ANKRD36B: variants seen among roughly 807,000 people sequenced by gnomAD.
ANKRD36B encodes ankyrin repeat domain-containing protein 36B.
A neutral mutation model predicts 135.7 loss-of-function variants in ANKRD36B; 37 were observed. The ratio of observed to expected loss-of-function variants is 0.27; its 90% CI spans 0.21 to 0.36. The LOEUF is 0.36. Among genes scored for constraint, ANKRD36B ranks in the 10% least tolerant of loss-of-function variants. The pLI is 1.00. For missense variants in ANKRD36B, 549 were observed against 1,037.1 expected, an observed-to-expected ratio of 0.53 and a Z score of 6.46; for synonymous variants, 179 against 348.1, an observed-to-expected ratio of 0.51 and a Z score of 5.41.
intron 34 of ANKRD36B, among the ~76,000 whole-genome samples, chr2:97,535,118 A>C (rs558145181): frequency 0.1 from 9,479 of 95,044 alleles, 2,495 homozygotes; most frequent in Middle Eastern, 0.24. Flanking sequence ...TGAGAAATTT[A>C]AAAAATAGAG....
chr2:97,586,341 G>A (rs978317472), intron 1 of ANKRD36B, among the ~76,000 whole-genome samples: 2 of 150,194 alleles, frequency 1.3e-5, no homozygotes, highest in African/African-American at 4.9e-5. Context: ...ACTGTCATAA[G>A]TTTTTGAAAT....
Position 97,528,524 on chromosome 2 carries a change from G to T in ANKRD36B, c.2265+3787C>A, listed in dbSNP as rs1172732457. Among the ~76,000 whole-genome samples, 12 of 91,680 alleles carry T rather than the reference G, an allele frequency of 1.3e-4. 4 individuals are homozygous for T. Among genetic ancestry groups the T allele is most frequent in the Non-Finnish European group, 3.5e-4 (12 of 34,634 alleles). 60.1% of individuals were successfully genotyped at this position (91,680 alleles called of 152,430 possible). On this transcript the variant is annotated intron_variant, in intron 35 of 43. Transcript: ENST00000359901. Reference sequence around the variant, plus strand: ...AAAGCAAGAGCAAACACATTCAAAAGCTAGCAGAAGGCAAGAAATAACTAA... The same window carrying T: ...AAAGCAAGAGCAAACACATTCAAAATCTAGCAGAAGGCAAGAAATAACTAA...
chr2:97,573,479 A>G (rs2104905920), intron 6 of ANKRD36B, among the ~76,000 whole-genome samples: 1 of 152,272 alleles, frequency 6.6e-6, no homozygotes, highest in African/African-American at 2.4e-5. Context: ...TAATTTATAG[A>G]TTCAATGCCA....
chr2:97,535,603 A>C (rs866219641), intron 34 of ANKRD36B, among the ~76,000 whole-genome samples: 2,670 of 100,840 alleles, frequency 0.026, 2 homozygotes, highest in African/African-American at 0.061. Context: ...AATATGTTAC[A>C]AAATAAAACA....
intron 8 of ANKRD36B, among the ~76,000 whole-genome samples, chr2:97,560,234 G>A (rs1378784700): frequency 2.0e-5 from 3 of 151,816 alleles, no homozygotes; most frequent in African/African-American, 7.2e-5. Context: ...TGCTGCATCA[G>A]TGGTCTTCTT....
chr2:97,555,156 A>G, intron 13 of ANKRD36B, 24 bp from the exon 14 acceptor site: 2 of 1,611,644 alleles, frequency 1.2e-6, no homozygotes, highest in South Asian at 2.2e-5. Flanking sequence ...GAAGCAAATT[A>G]TCAATAAAGA....
chr2:97,545,102 C>T lies in ANKRD36B; in HGVS notation c.1681+564G>A, dbSNP rs1291496144. ...TGCCAAAATCAAGTCTTCTTTTATGCAAATGTTCCAAATGTATTGAAGTGA... is the reference window on the plus strand; with the variant it reads ...TGCCAAAATCAAGTCTTCTTTTATGTAAATGTTCCAAATGTATTGAAGTGA... On this transcript the variant is annotated intron_variant, in intron 24 of 43. Transcript: ENST00000359901. 2.1e-5 allele frequency among the ~76,000 whole-genome samples: 2 copies of T among 95,670 alleles called. 1 individual carries two copies. The highest frequency in any genetic ancestry group is 5.6e-5 in the Non-Finnish European group (2 of 35,738). 62.8% of individuals were successfully genotyped at this position (95,670 alleles called of 152,430 possible).
At chr2:97,569,881 T>C (rs1415001287) in intron 6 of ANKRD36B, among the ~76,000 whole-genome samples, 1 of 151,994 alleles carries the variant, frequency 6.6e-6, no homozygotes, top group South Asian at 2.1e-4. Context: ...ATAAAGCAAA[T>C]AACTTAACTG....
intron 6 of ANKRD36B, among the ~76,000 whole-genome samples, chr2:97,571,465 G>A (rs2081862619): frequency 6.6e-6 from 1 of 152,112 alleles, no homozygotes; most frequent in Non-Finnish European, 1.5e-5. Flanking sequence ...GGCTAACACA[G>A]TGAAACCGCA....
chr2:97,553,410 A>C (rs1415391412), intron 14 of ANKRD36B, 39 bp from the exon 15 acceptor site: 7 of 1,588,736 alleles, frequency 4.4e-6, no homozygotes, highest in South Asian at 1.1e-5. Flanking sequence ...TCATATGTAA[A>C]TATGATACAT....
chr2:97,581,058 T>C (rs1345761179), intron 3 of ANKRD36B, among the ~76,000 whole-genome samples: 16 of 124,800 alleles, frequency 1.3e-4, no homozygotes, highest in African/African-American at 5.1e-4. Flanking sequence ...ATTTGAACAT[T>C]ATACCCCAAA....
chr2:97,551,331 T>G lies in ANKRD36B; in HGVS notation c.1333A>C (p.Asn445His), dbSNP rs1413642529. ...ATSDEKDSFS[N>H]ITREKKDGEI... The stretch of plus-strand genomic sequence containing the variant: ...CCATCCTTTTTTTCTCTGGTTATAT[T>G]CGAAAAAGAATCTTTCTCATCACTT... The change falls in exon 18 of 44, where the codon AAT (asparagine) becomes CAT (histidine). Residue 445 changes from asparagine to histidine, a missense_variant. By Grantham distance (68) the Asn-to-His change is moderately conservative. Coordinates refer to ENST00000359901, the MANE Select transcript of ANKRD36B (RefSeq NM_001393939.1). 4 of 1,584,602 alleles carry G rather than the reference T, an allele frequency of 2.5e-6. 1 individual carries two copies. The South Asian group carries it at 4.5e-5, about 18-fold the overall frequency.
intron 22 of ANKRD36B, chr2:97,547,304 A>T (rs527257144): frequency 4.2e-5 from 21 of 499,952 alleles, no homozygotes; most frequent in South Asian, 9.3e-5. Flanking sequence ...TGAACTGCTC[A>T]CCATATTTCT....
intron 6 of ANKRD36B, among the ~76,000 whole-genome samples, chr2:97,566,802 C>A (rs1364237854): frequency 2.6e-5 from 4 of 152,116 alleles, no homozygotes; most frequent in African/African-American, 9.7e-5. Flanking sequence ...TTCTCTCACA[C>A]CGCAACAACA....
chr2:97,558,621 T>A (rs1437101330), intron 10 of ANKRD36B, among the ~76,000 whole-genome samples, 178 bp downstream of exon 10: 1 of 151,926 alleles, frequency 6.6e-6, no homozygotes, highest in East Asian at 1.9e-4. Flanking sequence ...GTCTATAATC[T>A]TACTGCAAAG....
intron 12 of ANKRD36B, among the ~76,000 whole-genome samples, 157 bp from the exon 13 acceptor site, chr2:97,555,411 G>GA (rs369782940): frequency 1.7e-4 from 26 of 151,374 alleles, no homozygotes; most frequent in Middle Eastern, 3.4e-3. Flanking sequence ...GAAATACACT[G>GA]AAAAAAAAGA....
chr2:97,585,098 T>C lies in ANKRD36B; in HGVS notation c.296A>G (p.Glu99Gly), dbSNP rs201901801. ...PLIKAVQLRQ[E>G]ACATLLLQNG... Reference sequence around the variant, plus strand: ...TTGCAGCAGAAGAGTTGCACAAGCCTCCTGCCTCAGTTGTACAGCCTGTCA... The same window carrying C: ...TTGCAGCAGAAGAGTTGCACAAGCCCCCTGCCTCAGTTGTACAGCCTGTCA... The change falls in exon 3 of 44, where the codon GAG (glutamate) becomes GGG (glycine). Residue 99 changes from glutamate (E) to glycine (G), a missense_variant. Coordinates refer to ENST00000359901, the MANE Select transcript of ANKRD36B (RefSeq NM_001393939.1). 5.3e-3 allele frequency: 8,493 copies of C among 1,613,196 alleles called. 346 individuals carry two copies. In the East Asian group the frequency reaches 0.11, roughly 22 times the overall value.
At position 97,576,742 on chromosome 2, in the gene ANKRD36B, T is replaced by C. The variant is rs369002591; in HGVS notation, c.696-296A>G. Among the ~76,000 whole-genome samples the C allele has an allele frequency of 9.2e-5, 14 of 151,828 alleles. No homozygotes were observed. In the South Asian group the frequency reaches 2.3e-3, roughly 25 times the overall value. On this transcript the variant is annotated intron_variant, in intron 5 of 43. Coordinates refer to ENST00000359901, the MANE Select transcript of ANKRD36B (RefSeq NM_001393939.1). ...AGGTCCTGGCTCTATAGCCAACAGG[T>C]ATTTGCTCTTAAACAAGTTGCTTCT...
intron 6 of ANKRD36B, among the ~76,000 whole-genome samples, chr2:97,570,445 C>G (rs1577058750): frequency 6.6e-6 from 1 of 152,232 alleles, no homozygotes; most frequent in East Asian, 1.9e-4. Flanking sequence ...AAGTAGCTCA[C>G]TGTACCTAAA....
Sources: gnomAD v4.1 joint callset for allele counts (sites outside exome capture counted in the v4.1 genomes callset) on GRCh38, gnomAD v4.1.1 for gene constraint, MANE v1.5 for transcripts, NCBI Gene and HGNC (gene_info 2026-07-23, HGNC 2026-07-21) for gene names.